Variants in ADCY2 observed in about 807,000 individuals in gnomAD.
ADCY2 encodes the protein adenylate cyclase type 2.
ADCY2 carries 31 observed loss-of-function variants against 125.2 expected under a neutral mutation model. The ratio of observed to expected loss-of-function variants is 0.25; its 90% confidence interval spans 0.19 to 0.33. The LOEUF is 0.33. ADCY2 is among the 10% of genes least tolerant of loss of function. The pLI, the probability that ADCY2 is intolerant of heterozygous loss-of-function variation, is 1.00. For synonymous variants in ADCY2, 512 were observed against 548.4 expected, an observed-to-expected ratio of 0.93 and a Z score of 0.93; for missense variants, 904 against 1,418.2, an observed-to-expected ratio of 0.64 and a Z score of 5.82.
At chr5:7,515,263 C>CT (rs1169539006) in intron 2 of ADCY2, among the ~76,000 whole-genome samples, 1 of 152,220 alleles carries the variant, frequency 6.6e-6, no homozygotes, top group Non-Finnish European at 1.5e-5. Flanking sequence ...CACAAAAGAG[C>CT]TTTCTTCATG....
At chr5:7,606,985 A>G (rs1310194324) in intron 3 of ADCY2, among the ~76,000 whole-genome samples, 18 of 151,940 alleles carry the variant, frequency 1.2e-4, no homozygotes, top group Non-Finnish European at 2.5e-4. Context: ...CTGAAATTCC[A>G]CCTGCCCTGC....
Position 7,746,923 on chromosome 5 carries a change from G to A in ADCY2, c.1956+3171G>A, listed in dbSNP as rs115474239. On this transcript the variant is annotated intron_variant, in intron 15 of 24. Transcript: ENST00000338316. ...TGCCAATAAATCAAATTGATTGCTT[G>A]TTTTACAACTGGCCTTGATAAAAAG... is the stretch of plus-strand genomic sequence containing the variant. Among the ~76,000 whole-genome samples the A allele has an allele frequency of 6.9e-3, 1,044 of 152,236 alleles. 5 individuals are homozygous for A. Among genetic ancestry groups the A allele is most frequent in the Non-Finnish European group, 0.011 (731 of 68,012 alleles).
chr5:7,814,045 C>G (rs1041192287), intron 22 of ADCY2, among the ~76,000 whole-genome samples: 11 of 152,020 alleles, frequency 7.2e-5, no homozygotes, highest in Admixed American at 5.2e-4. Context: ...TACTAGTGAG[C>G]TATGATAGAA....
intron 4 of ADCY2, among the ~76,000 whole-genome samples, chr5:7,666,055 G>T (rs2973332): frequency 1.5e-3 from 231 of 151,150 alleles, no homozygotes; most frequent in Admixed American, 4.0e-3. Flanking sequence ...AGCCAGGATG[G>T]TCTCGATCTC....
At chr5:7,656,181 A>G (rs191989183) in intron 4 of ADCY2, among the ~76,000 whole-genome samples, 499 of 151,914 alleles carry the variant, frequency 3.3e-3, no homozygotes, top group Non-Finnish European at 5.8e-3. Flanking sequence ...CAGCCTCCCA[A>G]GTAACTGGGA....
chr5:7,462,822 T>C (rs1741961425), intron 2 of ADCY2, among the ~76,000 whole-genome samples: 1 of 152,238 alleles, frequency 6.6e-6, no homozygotes, highest in African/African-American at 2.4e-5. Context: ...AAATAGACAT[T>C]AAATAAATTG....
At chr5:7,459,808 C>A (rs1229625313) in intron 2 of ADCY2, among the ~76,000 whole-genome samples, 38 of 51,698 alleles carry the variant, frequency 7.4e-4, no homozygotes, top group Admixed American at 3.8e-3. Context: ...TTTTTTTTGA[C>A]GGGAGTCTGG....
intron 3 of ADCY2, among the ~76,000 whole-genome samples, chr5:7,523,136 A>G (rs1744518796): frequency 1.3e-5 from 2 of 152,138 alleles, no homozygotes; most frequent in African/African-American, 2.4e-5. Flanking sequence ...ATGTAATAGG[A>G]CAAAAAATAT....
chr5:7,691,105 A>T, intron 5 of ADCY2: 1 of 255,344 alleles, frequency 3.9e-6, no homozygotes, highest in Non-Finnish European at 7.3e-6. Flanking sequence ...AGCATCCATC[A>T]CAGAAAGGAG....
Position 7,742,209 on chromosome 5 carries a change from C to T in ADCY2, c.1872-1459C>T, listed in dbSNP as rs114091608. Among the ~76,000 whole-genome samples the T allele has an allele frequency of 6.9e-3, 1,040 of 151,606 alleles. 5 individuals are homozygous for T. Among genetic ancestry groups the T allele is most frequent in the Non-Finnish European group, 0.011 (731 of 67,948 alleles). On this transcript the variant is annotated intron_variant, in intron 14 of 24. Coordinates refer to ENST00000338316, the MANE Select transcript of ADCY2 (RefSeq NM_020546.3). ...AAATCAAAGCTCAGCAGATGAATCA[C>T]TGTGGTCCCCTTTAGTCATGAGGAT...
chr5:7,612,815 G>C (rs1374900240), intron 3 of ADCY2, among the ~76,000 whole-genome samples: 1 of 152,160 alleles, frequency 6.6e-6, no homozygotes, highest in Non-Finnish European at 1.5e-5. Context: ...AGGAGATCGA[G>C]ACCATCATGG....
At chr5:7,583,712 A>G (rs1217275139) in intron 3 of ADCY2, among the ~76,000 whole-genome samples, 2 of 152,126 alleles carry the variant, frequency 1.3e-5, no homozygotes, top group Non-Finnish European at 2.9e-5. Context: ...TTCTTTCAAA[A>G]TGAATCACAC....
chr5:7,506,789 CTTTTTTTTTTTTTT>C (rs70940743), intron 2 of ADCY2, among the ~76,000 whole-genome samples: 5 of 55,022 alleles, frequency 9.1e-5, no homozygotes, highest in Non-Finnish European at 1.3e-4. Context: ...ATGCGTTGCT[CTTTTTTTTTTTTTT>C]TTTTTTTTTT....
At chr5:7,825,128 ACTGCTGTGTCCCATAATAACG>A (rs1745426535) in intron 24 of ADCY2, among the ~76,000 whole-genome samples, 1 of 150,374 alleles carries the variant, frequency 6.7e-6, no homozygotes, top group African/African-American at 2.5e-5. Context: ...CCAGAACAAC[ACTGCTGTGTCCCATAATAACG>A]CTGCTGTGTG....
At position 7,621,129 on chromosome 5, in the gene ADCY2, G is replaced by A. The variant is rs141143762; in HGVS notation, c.571-5038G>A. On this transcript the variant is annotated intron_variant, in intron 3 of 24. Coordinates refer to ENST00000338316, the MANE Select transcript of ADCY2 (RefSeq NM_020546.3). Reference sequence around the variant, plus strand: ...CGTGATAATTTCTCAAATGTTTAAAGACAATGACCTGATACCCTTAAATGT... The same window carrying A: ...CGTGATAATTTCTCAAATGTTTAAAAACAATGACCTGATACCCTTAAATGT... Among the ~76,000 whole-genome samples, 100 of 152,296 alleles carry A rather than the reference G, an allele frequency of 6.6e-4. No homozygotes were observed. The South Asian group carries it at 8.9e-3, about 14-fold the overall frequency.
intron 3 of ADCY2, among the ~76,000 whole-genome samples, chr5:7,523,315 TAA>T (rs5865718): frequency 0.09 from 12,164 of 135,606 alleles, 680 homozygotes; most frequent in Non-Finnish European, 0.13. Context: ...CCTGCATTGG[TAA>T]AAAAAAAAAA....
At chr5:7,414,508 A>G in intron 1 of ADCY2, 65 bp from the exon 2 acceptor site, 5 of 1,368,558 alleles carry the variant, frequency 3.7e-6, no homozygotes, top group Non-Finnish European at 5.0e-6. Context: ...TTTTAACAAC[A>G]TAAATCATTG....
intron 4 of ADCY2, among the ~76,000 whole-genome samples, chr5:7,687,718 A>G (rs760590899): frequency 3.3e-5 from 5 of 152,192 alleles, no homozygotes; most frequent in Non-Finnish European, 7.3e-5. Flanking sequence ...GGAACAATCT[A>G]CAGTGACCCC....
At chr5:7,671,864 G>C (rs1739947265) in intron 4 of ADCY2, among the ~76,000 whole-genome samples, 1 of 152,088 alleles carries the variant, frequency 6.6e-6, no homozygotes, top group African/African-American at 2.4e-5. Flanking sequence ...AAGATATTCA[G>C]AGTGTTAGTC....
Sources: gnomAD v4.1 joint callset for allele counts (sites outside exome capture counted in the v4.1 genomes callset) on GRCh38, gnomAD v4.1.1 for gene constraint, MANE v1.5 for transcripts, NCBI Gene and HGNC (gene_info 2026-07-23, HGNC 2026-07-21) for gene names.